The following HSF2BP variants were observed in gnomAD, a reference collection of about 807,000 sequenced individuals.
HSF2BP encodes the protein heat shock factor 2-binding protein.
Under a neutral mutation model 35.0 loss-of-function variants are expected in HSF2BP, and 35 were observed. The ratio of observed to expected loss-of-function variants is 1.00; its 90% confidence interval spans 0.76 to 1.32. The LOEUF is 1.32. Among genes scored for constraint, HSF2BP ranks in the 40% most tolerant of loss-of-function variants. The pLI, the probability that HSF2BP is intolerant of heterozygous loss-of-function variation, is 0.00. For synonymous variants in HSF2BP, 114 were observed against 117.4 expected (o/e 0.97, Z 0.18); for missense variants, 326 against 321.7 (o/e 1.01, Z -0.10).
At chr21:43,639,874 C>G (rs1258966190) in intron 4 of HSF2BP, among the ~76,000 whole-genome samples, 1 of 151,980 alleles carries the variant, frequency 6.6e-6, no homozygotes, top group Admixed American at 6.5e-5. Context: ...AAAAAAAAAC[C>G]GTAAGAACTA....
chr21:43,650,187 T>A (rs893670232), intron 3 of HSF2BP, among the ~76,000 whole-genome samples: 1 of 152,158 alleles, frequency 6.6e-6, no homozygotes, highest in Admixed American at 6.5e-5. Context: ...CTATTTTACA[T>A]CTAGAACCAT....
intron 7 of HSF2BP, among the ~76,000 whole-genome samples, chr21:43,611,067 C>T (rs2082198015): frequency 2.0e-5 from 3 of 152,066 alleles, no homozygotes. Flanking sequence ...GAGACCCCGT[C>T]TCTACAAAAA....
At chr21:43,622,502 A>C (rs1313103669) in intron 6 of HSF2BP, among the ~76,000 whole-genome samples, 1 of 152,184 alleles carries the variant, frequency 6.6e-6, no homozygotes, top group Non-Finnish European at 1.5e-5. Flanking sequence ...GCAACTGGAA[A>C]CCAAAAAAAA....
intron 7 of HSF2BP, among the ~76,000 whole-genome samples, chr21:43,611,963 T>G (rs1466626244): frequency 2.6e-5 from 4 of 152,168 alleles, no homozygotes; most frequent in Admixed American, 2.0e-4. Context: ...TGTGTGGATC[T>G]GATCATAAAC....
intron 7 of HSF2BP, among the ~76,000 whole-genome samples, chr21:43,605,317 C>T (rs2082119150): frequency 6.7e-6 from 1 of 149,932 alleles, no homozygotes; most frequent in Non-Finnish European, 1.5e-5. Flanking sequence ...CAGCTGACTG[C>T]ACTAACTGCC....
At chr21:43,629,848 G>A (rs1278432935) in intron 6 of HSF2BP, among the ~76,000 whole-genome samples, 2 of 152,188 alleles carry the variant, frequency 1.3e-5, no homozygotes. Flanking sequence ...GTTTGAGAGG[G>A]CTGACTCCAA....
chr21:43,642,039 T>C (rs555442699), intron 4 of HSF2BP, among the ~76,000 whole-genome samples: 2 of 152,258 alleles, frequency 1.3e-5, no homozygotes, highest in Admixed American at 1.3e-4. Context: ...CCCATGCCTG[T>C]AATCCCAGCA....
intron 3 of HSF2BP, among the ~76,000 whole-genome samples, chr21:43,644,615 G>A (rs1325075321): frequency 6.6e-6 from 1 of 152,160 alleles, no homozygotes; most frequent in African/African-American, 2.4e-5. Flanking sequence ...GACTTTGGTT[G>A]TTTTCTGTTT....
intron 7 of HSF2BP, among the ~76,000 whole-genome samples, chr21:43,592,585 G>A (rs931401906): frequency 1.3e-5 from 2 of 152,092 alleles, no homozygotes; most frequent in South Asian, 2.1e-4. Context: ...AGGGTCCCAC[G>A]GGAAGCCTCA....
intron 7 of HSF2BP, among the ~76,000 whole-genome samples, chr21:43,594,735 G>A (rs1298662107): frequency 6.6e-6 from 1 of 151,966 alleles, no homozygotes; most frequent in African/African-American, 2.4e-5. Context: ...GGGAGACAGG[G>A]AGGGAGGAAG....
At position 43,613,876 on chromosome 21, in the gene HSF2BP, GCAATATGGTGTC is replaced by G. The variant is rs775800049; in HGVS notation, c.634_645del (p.Asp212_Leu215del). On this transcript the variant is annotated inframe_deletion, in exon 7 of 9. Coordinates refer to ENST00000291560, the MANE Select transcript of HSF2BP (RefSeq NM_007031.2). ...CCTGGCTTCAAGTCTCCCAGAAGCT[GCAATATGGTGTC>G]CAAGAGCACCCGGCTTGAATTAACC... 1.2e-5 allele frequency: 20 copies of G among 1,613,718 alleles called. No individual in the cohort carries two copies. The highest frequency in any genetic ancestry group is 1.7e-5 in the Non-Finnish European group (20 of 1,179,926).
rs370116321 is a variant in HSF2BP, at chr21:43,656,665, G to T, written c.109C>A (p.Gln37Lys). The stretch of plus-strand genomic sequence containing the variant: ...ATTCTGGGTAAGAAGTCCCGTATTT[G>T]CATCACTTCAGTTGTCAGCCGTTCC... ...DLERLTTEVMQIRDFLPRILN... is the reference protein window; with the variant it reads ...DLERLTTEVMKIRDFLPRILN... The change falls in exon 3 of 9, where the codon CAA becomes AAA. Residue 37 changes from glutamine to lysine, a missense_variant. By Grantham distance (53) the Gln-to-Lys change is moderately conservative. Transcript: ENST00000291560. 2 of 1,613,664 alleles carry T rather than the reference G, an allele frequency of 1.2e-6. No individual in the cohort carries two copies. The highest frequency in any genetic ancestry group is 1.7e-6 in the Non-Finnish European group (2 of 1,179,644).
chr21:43,644,238 AAG>A, intron 4 of HSF2BP, 49 bp downstream of exon 4: 1 of 1,374,786 alleles, frequency 7.3e-7, no homozygotes, highest in Non-Finnish European at 1.0e-6. Flanking sequence ...GAAAGGCTGT[AAG>A]CCAGCCCCAC....
chr21:43,634,835 G>C (rs2082530408), intron 4 of HSF2BP, among the ~76,000 whole-genome samples: 1 of 152,172 alleles, frequency 6.6e-6, no homozygotes, highest in Non-Finnish European at 1.5e-5. Context: ...AGTGTACGTA[G>C]CTGAACACAA....
Position 43,658,273 on chromosome 21 carries a change from G to T in HSF2BP, c.-177C>A, listed in dbSNP as rs2082908945. On this transcript the variant is annotated 5_prime_UTR_variant, in exon 2 of 9. Transcript: ENST00000291560. ...AGAGAGCGAGGAGTGGCCTTGGCGA[G>T]GTCCCTCTTTGGCTCTTCTGGCTTA... 2.8e-6 allele frequency: 2 copies of T among 706,374 alleles called. No homozygotes were observed. Among genetic ancestry groups the T allele is most frequent in the African/African-American group, 1.9e-5 (1 of 53,454 alleles). 43.8% of individuals were successfully genotyped at this position (706,374 alleles called of 1,614,324 possible).
intron 4 of HSF2BP, among the ~76,000 whole-genome samples, chr21:43,641,151 C>T (rs1247380984): frequency 6.6e-6 from 1 of 152,146 alleles, no homozygotes; most frequent in Non-Finnish European, 1.5e-5. Context: ...CACCACCACG[C>T]CTGGCTAATT....
In HSF2BP at chr21:43,577,774, T is replaced by C. The variant is rs143038490; in HGVS notation, c.796+14451A>G. On this transcript the variant is annotated intron_variant, in intron 8 of 8. Coordinates refer to ENST00000291560, the MANE Select transcript of HSF2BP (RefSeq NM_007031.2). ...GAAAATAGCCAGGTCCTGCCTTAGC[T>C]GATGACATTCCACCATTGTGATCTG... Among the ~76,000 whole-genome samples, 99 of 152,364 alleles carry C rather than the reference T, an allele frequency of 6.5e-4. 1 individual carries two copies. The highest frequency in any genetic ancestry group is 2.3e-3 in the African/African-American group (96 of 41,586).
chr21:43,604,726 A>C (rs2082106053), intron 7 of HSF2BP, among the ~76,000 whole-genome samples: 1 of 139,406 alleles, frequency 7.2e-6, no homozygotes, highest in African/African-American at 2.7e-5. Flanking sequence ...CAGACACCAC[A>C]TACACCACAC....
At chr21:43,651,495 A>AC (rs2077098175) in intron 3 of HSF2BP, among the ~76,000 whole-genome samples, 1 of 152,052 alleles carries the variant, frequency 6.6e-6, no homozygotes, top group Non-Finnish European at 1.5e-5. Flanking sequence ...CTTCCACCCA[A>AC]TTCTTCAAAC....
Sources: allele counts gnomAD v4.1 joint callset (sites outside exome capture counted in the v4.1 genomes callset), GRCh38; gene constraint gnomAD v4.1.1; transcripts MANE v1.5; gene names NCBI Gene and HGNC (gene_info 2026-07-23, HGNC 2026-07-21).